The following WWTR1 variants were observed in gnomAD, a reference collection of about 807,000 sequenced individuals.
The protein encoded by WWTR1 is WW domain-containing transcription regulator protein 1.
A neutral mutation model predicts 40.1 loss-of-function variants in WWTR1; 13 were observed. The ratio of observed to expected loss-of-function variants is 0.32; its 90% confidence interval spans 0.21 to 0.52. The LOEUF is 0.52. Among genes scored for constraint, WWTR1 ranks in the 20% least tolerant of loss-of-function variants. WWTR1 has a pLI of 0.97. For missense variants in WWTR1, 436 were observed against 523.1 expected (o/e 0.83, Z 1.63); for synonymous variants, 230 against 210.1 (o/e 1.09, Z -0.82).
At chr3:149,705,145 ACAAT>A (rs1208216336), upstream of WWTR1, among the ~76,000 whole-genome samples, 2 of 152,170 alleles carry the variant, frequency 1.3e-5, no homozygotes, top group African/African-American at 4.8e-5. Context: ...GAAAGAAAAA[ACAAT>A]CAGAGGATCA....
chr3:149,563,351 T>A (rs1476705774), intron 3 of WWTR1, among the ~76,000 whole-genome samples: 1 of 152,186 alleles, frequency 6.6e-6, no homozygotes, highest in Non-Finnish European at 1.5e-5. Flanking sequence ...GCCTGATGGA[T>A]TCTCAGGCCC....
At chr3:149,617,551 G>C (rs974069606) in intron 2 of WWTR1, among the ~76,000 whole-genome samples, 1 of 152,208 alleles carries the variant, frequency 6.6e-6, no homozygotes, top group Non-Finnish European at 1.5e-5. Flanking sequence ...TATAATCCCA[G>C]CACTTTGGGA....
At chr3:149,579,680 TATG>T (rs1442294377) in intron 2 of WWTR1, among the ~76,000 whole-genome samples, 1 of 152,204 alleles carries the variant, frequency 6.6e-6, no homozygotes, top group African/African-American at 2.4e-5. Context: ...CTGCCAAGCC[TATG>T]ATATTTACAA....
At chr3:149,530,309 C>A (rs1405439339) in intron 4 of WWTR1, among the ~76,000 whole-genome samples, 2 of 151,754 alleles carry the variant, frequency 1.3e-5, no homozygotes, top group East Asian at 3.9e-4. Flanking sequence ...GATTGCACCA[C>A]CATACTCCAG....
upstream of WWTR1, chr3:149,659,962 A>G (rs1426668156): frequency 7.3e-6 from 1 of 137,578 alleles, no homozygotes; most frequent in African/African-American, 2.8e-5. Context: ...TCTATTGCCC[A>G]GGATGGAGTG....
chr3:149,677,799 C>G (rs1714320223), intron 1 of WWTR1, among the ~76,000 whole-genome samples: 1 of 152,150 alleles, frequency 6.6e-6, no homozygotes, highest in African/African-American at 2.4e-5. Flanking sequence ...AAGATTGCAC[C>G]ACTGCTCTCC....
intron 2 of WWTR1, among the ~76,000 whole-genome samples, chr3:149,624,514 G>C (rs559847389): frequency 7.0e-4 from 107 of 152,216 alleles, no homozygotes; most frequent in Middle Eastern, 3.4e-3. Context: ...CTGCATTCAT[G>C]GCCAAACAGC....
chr3:149,566,741 C>G (rs1388633228), intron 3 of WWTR1, among the ~76,000 whole-genome samples: 1 of 150,758 alleles, frequency 6.6e-6, no homozygotes, highest in Non-Finnish European at 1.5e-5. Context: ...CTAGAGAGAA[C>G]AGCAAGCCAA....
chr3:149,586,179 T>C (rs796641785), intron 2 of WWTR1, among the ~76,000 whole-genome samples: 29 of 152,330 alleles, frequency 1.9e-4, no homozygotes, highest in African/African-American at 6.3e-4. Context: ...TGTGCGTATA[T>C]AACTTTTTGT....
At chr3:149,532,275 CA>C (rs200128276) in intron 4 of WWTR1, among the ~76,000 whole-genome samples, 5 of 151,614 alleles carry the variant, frequency 3.3e-5, no homozygotes, top group African/African-American at 1.2e-4. Context: ...ATTCCAATCT[CA>C]AAAAAAACAA....
At chr3:149,582,705 G>T (rs1182381990) in intron 2 of WWTR1, among the ~76,000 whole-genome samples, 1 of 151,996 alleles carries the variant, frequency 6.6e-6, no homozygotes, top group Non-Finnish European at 1.5e-5. Flanking sequence ...ACCCCAGTGT[G>T]GGCGGCAGAG....
At chr3:149,593,373 G>A (rs1046115130) in intron 2 of WWTR1, among the ~76,000 whole-genome samples, 12 of 150,286 alleles carry the variant, frequency 8.0e-5, no homozygotes, top group Non-Finnish European at 1.2e-4. Context: ...ACATGCCCTC[G>A]TCTTAGTTTT....
In WWTR1 at chr3:149,684,770, C is replaced by T. The variant is rs567726203; in HGVS notation, c.-107-14879G>A. Among the ~76,000 whole-genome samples the T allele has an allele frequency of 2.0e-5, 3 of 152,152 alleles. No homozygotes were observed. In the East Asian group the frequency reaches 5.8e-4, roughly 30 times the overall value. The stretch of plus-strand genomic sequence containing the variant: ...GTAGAGACGGGGTTTCACCATGTTG[C>T]TCAGGCTGCTTTCGAACTCCTGGGC... On this transcript the variant is annotated intron_variant, in intron 1 of 7. Coordinates refer to the WWTR1 transcript ENST00000465804.
intron 2 of WWTR1, among the ~76,000 whole-genome samples, chr3:149,590,240 A>G (rs952749416): frequency 6.6e-6 from 1 of 152,218 alleles, no homozygotes; most frequent in South Asian, 2.1e-4. Context: ...AATATTCACA[A>G]TAACCATGCT....
At chr3:149,637,526 C>T (rs1400497506) in intron 2 of WWTR1, among the ~76,000 whole-genome samples, 1 of 152,012 alleles carries the variant, frequency 6.6e-6, no homozygotes, top group Non-Finnish European at 1.5e-5. Flanking sequence ...CCACCGTGCC[C>T]GGCCCATATT....
intron 2 of WWTR1, among the ~76,000 whole-genome samples, chr3:149,599,984 A>T (rs143877536): frequency 6.6e-6 from 1 of 152,252 alleles, no homozygotes; most frequent in East Asian, 1.9e-4. Flanking sequence ...ATACAAATAA[A>T]AAACAATACA....
At chr3:149,676,941 G>A (rs778638763) in intron 1 of WWTR1, among the ~76,000 whole-genome samples, 7 of 149,184 alleles carry the variant, frequency 4.7e-5, no homozygotes, top group Admixed American at 1.3e-4. Flanking sequence ...TTTTTTAGAC[G>A]GAGTTTCCCT....
In WWTR1 at chr3:149,520,695, T is replaced by C. The variant is rs1453595880; in HGVS notation, c.*110A>G. 1 of 1,035,348 alleles carries C rather than the reference T, an allele frequency of 9.7e-7. No individual in the cohort carries two copies. Among genetic ancestry groups the C allele is most frequent in the African/African-American group, 1.7e-5 (1 of 60,326 alleles). The allele number at this position is 1,035,348 out of a possible 1,614,324, so 64.1% of individuals were successfully genotyped here. On this transcript the variant is annotated 3_prime_UTR_variant, in exon 7 of 7. Coordinates refer to ENST00000360632, the MANE Select transcript of WWTR1 (RefSeq NM_015472.6). ...CAACATAAAAAGGAGGGAGCACGAGTCATGGAGGCGGGAAGTGGTGCACCT... is the reference window on the plus strand; with the variant it reads ...CAACATAAAAAGGAGGGAGCACGAGCCATGGAGGCGGGAAGTGGTGCACCT...
At chr3:149,602,416 C>G (rs1560079917) in intron 2 of WWTR1, among the ~76,000 whole-genome samples, 1 of 152,186 alleles carries the variant, frequency 6.6e-6, no homozygotes, top group South Asian at 2.1e-4. Context: ...TTGGCAGCAG[C>G]GTTCTTTTCA....
Sources: allele counts gnomAD v4.1 joint callset (sites outside exome capture counted in the v4.1 genomes callset), GRCh38; gene constraint gnomAD v4.1.1; transcripts MANE v1.5; gene names NCBI Gene and HGNC (gene_info 2026-07-23, HGNC 2026-07-21).